The following C2CD3 variants were observed in gnomAD, a reference collection of about 807,000 sequenced individuals.
C2CD3 encodes C2 domain containing 3 centriole elongation regulator, also known as C2 domain-containing protein 3.
In C2CD3, 148 loss-of-function variants were observed where a neutral mutation model predicts 234.0. The ratio of observed to expected loss-of-function variants is 0.63; its 90% confidence interval spans 0.55 to 0.72. The LOEUF is 0.72. C2CD3 is among the 30% of genes least tolerant of loss of function. The probability of loss-of-function intolerance (pLI) is 0.00; values close to 1 mark genes in which losing one functional copy is unlikely to be tolerated. For synonymous variants in C2CD3, 1,000 were observed against 1,035.4 expected (o/e 0.97, Z 0.66); for missense variants, 2,577 against 2,811.5 (o/e 0.92, Z 1.89).
intron 24 of C2CD3, among the ~76,000 whole-genome samples, chr11:74,069,227 A>G (rs1954686489): frequency 6.6e-6 from 1 of 152,256 alleles, no homozygotes; most frequent in South Asian, 2.1e-4. Flanking sequence ...CAGGTGGGTG[A>G]AAAAGAAATC....
At chr11:74,116,976 GTA>G (rs1482389115) in intron 9 of C2CD3, among the ~76,000 whole-genome samples, 1 of 103,794 alleles carries the variant, frequency 9.6e-6, no homozygotes, top group Non-Finnish European at 2.0e-5. Context: ...ACATATACAC[GTA>G]TATATACACA....
chr11:74,136,822 A>G (rs1590910320), intron 5 of C2CD3, among the ~76,000 whole-genome samples: 1 of 152,220 alleles, frequency 6.6e-6, no homozygotes, highest in East Asian at 1.9e-4. Flanking sequence ...TAGGGGAGAG[A>G]TAGCATTAGG....
At chr11:74,068,241 C>T (rs575204723) in intron 24 of C2CD3, among the ~76,000 whole-genome samples, 2 of 152,242 alleles carry the variant, frequency 1.3e-5, no homozygotes, top group African/African-American at 4.8e-5. Context: ...CTCATTCTTT[C>T]TCCCATTTTC....
At chr11:74,075,908 G>A (rs1955016569) in intron 23 of C2CD3, among the ~76,000 whole-genome samples, 1 of 152,180 alleles carries the variant, frequency 6.6e-6, no homozygotes, top group Non-Finnish European at 1.5e-5. Flanking sequence ...CCTTGCACAA[G>A]AGGATAAAAA....
At chr11:74,073,896 C>T (rs954832445) in intron 24 of C2CD3, among the ~76,000 whole-genome samples, 2 of 152,124 alleles carry the variant, frequency 1.3e-5, no homozygotes, top group Admixed American at 1.3e-4. Context: ...TGTTTAAGGA[C>T]CCAATGTTAA....
chr11:74,057,602 A>G, intron 24 of C2CD3, 58 bp from the exon 25 acceptor site: 1 of 1,564,316 alleles, frequency 6.4e-7, no homozygotes, highest in Middle Eastern at 1.7e-4. Flanking sequence ...GCCTCAGATT[A>G]TACAGGCACA....
In C2CD3 at chr11:74,139,598, T is replaced by C. The variant is rs985175610; in HGVS notation, c.707+7A>G. On this transcript the variant is annotated splice_region_variant and intron_variant, in intron 4 of 32. Coordinates refer to ENST00000334126, the MANE Select transcript of C2CD3 (RefSeq NM_001286577.2). ...ACAGATTGACTGGTATTAGGTATGGTAATTACCTCGGAGTGGTTGATCTAC... is the reference window on the plus strand; with the variant it reads ...ACAGATTGACTGGTATTAGGTATGGCAATTACCTCGGAGTGGTTGATCTAC... 1 of 1,576,822 alleles carries C rather than the reference T, an allele frequency of 6.3e-7. No homozygotes were observed. The highest frequency in any genetic ancestry group is 8.7e-7 in the Non-Finnish European group (1 of 1,146,168).
chr11:74,170,537 T>A (rs549819964), intron 1 of C2CD3, among the ~76,000 whole-genome samples: 1 of 152,316 alleles, frequency 6.6e-6, no homozygotes, highest in Non-Finnish European at 1.5e-5. Context: ...TAATCGCCTG[T>A]CTGTGGCCCC....
intron 11 of C2CD3, 101 bp downstream of exon 11, chr11:74,113,679 C>CAA (rs548567656): frequency 7.2e-3 from 3,463 of 480,778 alleles, no homozygotes; most frequent in East Asian, 9.1e-3. Context: ...GACTCCATGT[C>CAA]AAAAAAAAAA....
intron 20 of C2CD3, 45 bp from the exon 21 acceptor site, chr11:74,085,931 T>C: frequency 6.5e-7 from 1 of 1,541,364 alleles, no homozygotes; most frequent in South Asian, 1.2e-5. Flanking sequence ...ATGGTAACAT[T>C]AGAAATCAGC....
intron 2 of C2CD3, among the ~76,000 whole-genome samples, chr11:74,163,568 A>G (rs1856613282): frequency 6.6e-6 from 1 of 152,252 alleles, no homozygotes; most frequent in African/African-American, 2.4e-5. Flanking sequence ...TGATGGTTTT[A>G]TAAGGGGCTT....
At chr11:74,118,480 T>C (rs996536096) in intron 8 of C2CD3, 98 bp from the exon 9 acceptor site, 4 of 766,988 alleles carry the variant, frequency 5.2e-6, no homozygotes, top group African/African-American at 3.5e-5. Context: ...TCTCTGTACA[T>C]ACATCATTCT....
intron 32 of C2CD3, among the ~76,000 whole-genome samples, chr11:74,017,576 C>T (rs890873715): frequency 3.3e-5 from 5 of 152,162 alleles, no homozygotes; most frequent in African/African-American, 4.8e-5. Flanking sequence ...GAGTGGCTAA[C>T]CCTGCATAAG....
intron 3 of C2CD3, 36 bp downstream of exon 3, chr11:74,161,363 T>A: frequency 2.8e-6 from 4 of 1,404,616 alleles, no homozygotes; most frequent in Non-Finnish European, 3.9e-6. Context: ...CCAAAAAGTT[T>A]ATTTTATGCA....
chr11:74,104,654 AAAAAG>A (rs1238833775), intron 13 of C2CD3, among the ~76,000 whole-genome samples: 1 of 152,172 alleles, frequency 6.6e-6, no homozygotes, highest in East Asian at 1.9e-4. Context: ...TTAAAAAGTA[AAAAAG>A]AAAAGGGAAG....
chr11:74,079,571 G>A (rs758380331), intron 22 of C2CD3, among the ~76,000 whole-genome samples: 1 of 150,736 alleles, frequency 6.6e-6, no homozygotes, highest in Non-Finnish European at 1.5e-5. Context: ...CAGAAATTCT[G>A]CTAGCCCTTT....
chr11:74,080,273 C>A (rs1178773847), intron 22 of C2CD3, among the ~76,000 whole-genome samples: 2 of 152,128 alleles, frequency 1.3e-5, no homozygotes, highest in Non-Finnish European at 2.9e-5. Context: ...GACTTTTGGA[C>A]AGGTATTTAA....
At position 74,078,571 on chromosome 11, in the gene C2CD3, C is replaced by A; in HGVS notation, c.4147G>T (p.Glu1383Ter). The change falls in exon 23 of 33, where the codon GAG becomes TAG. Residue 1383 changes from glutamate to a stop codon, truncating the protein, a stop_gained. Coordinates refer to ENST00000334126, the MANE Select transcript of C2CD3 (RefSeq NM_001286577.2). LOFTEE classifies it high-confidence loss of function. ...TTCTCAAAGCTCCAGCCCAAATGCT[C>A]AGCAGCTTCCAACACCCGTTCTCTA... is the stretch of plus-strand genomic sequence containing the variant. ...GDRERVLEAAEHLGWSFENSL... is the reference protein window; with the variant it reads ...GDRERVLEAA 6.2e-7 allele frequency: 1 copy of A among 1,614,130 alleles called. No homozygotes were observed. The highest frequency in any genetic ancestry group is 8.5e-7 in the Non-Finnish European group (1 of 1,180,016).
At position 74,034,088 on chromosome 11, in the gene C2CD3, G is replaced by A. The variant is rs1040322278; in HGVS notation, c.6072C>T (p.Leu2024=). The change falls in exon 31 of 33, where the codon CTC becomes CTT. Residue 2024 remains leucine (L), a synonymous_variant. Coordinates refer to ENST00000334126, the MANE Select transcript of C2CD3 (RefSeq NM_001286577.2). Reference sequence around the variant, plus strand: ...TTCTTCCTCCATTTGAAGTCTCTTCGAGAGGAGGGGGTGATGGGGAATCTG... The same window carrying A: ...TTCTTCCTCCATTTGAAGTCTCTTCAAGAGGAGGGGGTGATGGGGAATCTG... The part of the protein sequence containing the change: ...KGTDSPSPPP[L]EETSNGGRML... The A allele has an allele frequency of 4.6e-6, 7 of 1,536,080 alleles. No homozygotes were observed. The highest frequency in any genetic ancestry group is 2.0e-5 in the Admixed American group (1 of 50,978).
Sources: allele counts gnomAD v4.1 joint callset (sites outside exome capture counted in the v4.1 genomes callset), GRCh38; gene constraint gnomAD v4.1.1; transcripts MANE v1.5; gene names NCBI Gene and HGNC (gene_info 2026-07-23, HGNC 2026-07-21).